Variants in TBXAS1 observed in about 807,000 individuals in gnomAD.
TBXAS1 encodes thromboxane A synthase 1.
Under a neutral mutation model 60.7 loss-of-function variants are expected in TBXAS1, and 48 were observed. The ratio of observed to expected loss-of-function variants is 0.79; its 90% confidence interval spans 0.63 to 1.01. The LOEUF (loss-of-function observed/expected upper bound fraction) is 1.01, where lower values mean the gene tolerates loss of function less well. Ranked by LOEUF, TBXAS1 falls within the 50% of genes least tolerant of loss-of-function variation. The pLI is 0.00. For missense variants in TBXAS1, 685 were observed against 686.3 expected (o/e 1.00, Z 0.02); for synonymous variants, 287 against 269.7 (o/e 1.06, Z -0.63).
intron 3 of TBXAS1, among the ~76,000 whole-genome samples, chr7:139,880,831 G>T (rs115431168): frequency 0.015 from 2,327 of 152,204 alleles, 34 homozygotes; most frequent in African/African-American, 0.033. Context: ...CCTAGAAATG[G>T]AATTATTAGG....
chr7:139,882,924 A>G (rs1802806150), intron 3 of TBXAS1, among the ~76,000 whole-genome samples: 1 of 152,226 alleles, frequency 6.6e-6, no homozygotes, highest in Non-Finnish European at 1.5e-5. Context: ...AAATAGCTTA[A>G]TCATGAACAC....
At chr7:139,946,095 G>A (rs1808689025) in intron 5 of TBXAS1, among the ~76,000 whole-genome samples, 1 of 152,184 alleles carries the variant, frequency 6.6e-6, no homozygotes, top group South Asian at 2.1e-4. Context: ...AACTTCAAGA[G>A]GCCAAGGTGG....
chr7:139,894,808 G>C lies in TBXAS1; in HGVS notation c.237-16417G>C, dbSNP rs566060121. On this transcript the variant is annotated intron_variant, in intron 3 of 12. Coordinates refer to ENST00000448866, the MANE Select transcript of TBXAS1 (RefSeq NM_001061.7). ...CACTGCTGGCCCTGCTCCAGATGTT[G>C]TCCACTCAACAGACATTTCAGTCTT... is the stretch of plus-strand genomic sequence containing the variant. 2.6e-5 allele frequency among the ~76,000 whole-genome samples: 4 copies of C among 152,262 alleles called. 1 individual carries two copies. The South Asian group carries it at 8.3e-4, about 32-fold the overall frequency.
intron 4 of TBXAS1, among the ~76,000 whole-genome samples, chr7:139,928,860 G>A (rs1006761410): frequency 2.0e-5 from 3 of 152,210 alleles, no homozygotes; most frequent in African/African-American, 4.8e-5. Flanking sequence ...TTTTTTAAAT[G>A]GGAGTAAGCT....
At chr7:139,909,701 A>C (rs1279403251) in intron 3 of TBXAS1, among the ~76,000 whole-genome samples, 2 of 152,212 alleles carry the variant, frequency 1.3e-5, no homozygotes, top group African/African-American at 4.8e-5. Flanking sequence ...GGGTTTATGA[A>C]AAGTTCTTGG....
chr7:139,814,029 C>T (rs1248444806), intron 4 of TBXAS1, among the ~76,000 whole-genome samples: 1 of 152,156 alleles, frequency 6.6e-6, no homozygotes, highest in African/African-American at 2.4e-5. Flanking sequence ...GCTGCCTTCC[C>T]CCAGCACGGC....
chr7:139,951,138 G>T lies in TBXAS1; in HGVS notation c.451-2230G>T, dbSNP rs181339509. Among the ~76,000 whole-genome samples the T allele has an allele frequency of 3.0e-4, 46 of 152,232 alleles. No homozygotes were observed. The East Asian group carries it at 3.1e-3, about 10-fold the overall frequency. On this transcript the variant is annotated intron_variant, in intron 5 of 12. Transcript: ENST00000448866. Reference sequence around the variant, plus strand: ...CAGAACACACGGCAGGACAACTAGTGCCTTTCTAATGAATGGTCCCTAAAA... The same window carrying T: ...CAGAACACACGGCAGGACAACTAGTTCCTTTCTAATGAATGGTCCCTAAAA...
intron 10 of TBXAS1, among the ~76,000 whole-genome samples, chr7:140,014,794 G>A (rs572783875): frequency 5.9e-5 from 9 of 151,996 alleles, no homozygotes; most frequent in South Asian, 2.1e-4. Context: ...CACACCTGTA[G>A]TCTGAGCTAC....
At chr7:139,958,867 T>C (rs1810092043) in intron 8 of TBXAS1, among the ~76,000 whole-genome samples, 1 of 152,254 alleles carries the variant, frequency 6.6e-6, no homozygotes, top group Non-Finnish European at 1.5e-5. Context: ...GCCCCAGCTC[T>C]GAAGCCTAAA....
chr7:139,992,298 A>G (rs1184770064), intron 9 of TBXAS1, among the ~76,000 whole-genome samples: 1 of 152,228 alleles, frequency 6.6e-6, no homozygotes, highest in African/African-American at 2.4e-5. Flanking sequence ...GGCATGTGCT[A>G]TCTGCGATTT....
intron 8 of TBXAS1, among the ~76,000 whole-genome samples, chr7:139,959,874 G>A (rs1810190724): frequency 1.3e-5 from 2 of 152,100 alleles, no homozygotes; most frequent in Non-Finnish European, 2.9e-5. Context: ...AGGGAGCAAG[G>A]GATGCTCACT....
chr7:139,877,420 T>C (rs1161910107), intron 3 of TBXAS1, among the ~76,000 whole-genome samples: 1 of 152,144 alleles, frequency 6.6e-6, no homozygotes, highest in East Asian at 1.9e-4. Flanking sequence ...TTTTTTGTTG[T>C]TGTTGTTGTT....
chr7:139,866,856 T>C lies in TBXAS1; in HGVS notation c.90-5379T>C, dbSNP rs574419076. Among the ~76,000 whole-genome samples the C allele has an allele frequency of 5.1e-4, 77 of 152,138 alleles. 1 individual carries two copies. The highest frequency in any genetic ancestry group is 1.8e-3 in the African/African-American group (74 of 41,508). On this transcript the variant is annotated intron_variant, in intron 1 of 12. Coordinates refer to ENST00000448866, the MANE Select transcript of TBXAS1 (RefSeq NM_001061.7). ...TACACAGTGAAAAAAACCAAGAGAATGACAATATAAAGAGAGTAGGCTTTC... is the reference window on the plus strand; with the variant it reads ...TACACAGTGAAAAAAACCAAGAGAACGACAATATAAAGAGAGTAGGCTTTC...
chr7:139,995,691 C>T (rs182482770), intron 9 of TBXAS1, among the ~76,000 whole-genome samples: 1 of 152,320 alleles, frequency 6.6e-6, no homozygotes, highest in East Asian at 1.9e-4. Context: ...AAATCCTGCC[C>T]CACGTGGAGT....
intron 1 of TBXAS1, among the ~76,000 whole-genome samples, chr7:139,779,599 C>T (rs1796911273): frequency 1.3e-5 from 2 of 152,152 alleles, no homozygotes; most frequent in African/African-American, 2.4e-5. Flanking sequence ...TTGCTCCACA[C>T]CGGTCATTTA....
intron 12 of TBXAS1, among the ~76,000 whole-genome samples, chr7:140,018,346 A>G (rs1224810686): frequency 6.6e-6 from 1 of 152,030 alleles, no homozygotes; most frequent in African/African-American, 2.4e-5. Context: ...AGCTCCTTGA[A>G]CGGTACCCCC....
At chr7:139,798,415 A>G (rs1797626453) in intron 4 of TBXAS1, among the ~76,000 whole-genome samples, 1 of 152,208 alleles carries the variant, frequency 6.6e-6, no homozygotes, top group Non-Finnish European at 1.5e-5. Context: ...AGCCAGGTGT[A>G]TTGTTCCTGA....
intron 4 of TBXAS1, among the ~76,000 whole-genome samples, chr7:139,933,352 G>A (rs1325826009): frequency 6.6e-6 from 1 of 152,166 alleles, no homozygotes; most frequent in African/African-American, 2.4e-5. Context: ...TGTCTCATCA[G>A]AACCAGAAAA....
At chr7:139,988,294 G>A (rs1055299799) in intron 9 of TBXAS1, among the ~76,000 whole-genome samples, 20 of 152,244 alleles carry the variant, frequency 1.3e-4, no homozygotes, top group Non-Finnish European at 2.4e-4. Context: ...TGCCAAGCAC[G>A]TGGCTCCAGC....
Sources: gnomAD v4.1 joint callset for allele counts (sites outside exome capture counted in the v4.1 genomes callset) on GRCh38, gnomAD v4.1.1 for gene constraint, MANE v1.5 for transcripts, NCBI Gene and HGNC (gene_info 2026-07-23, HGNC 2026-07-21) for gene names.